The following TRIM51 variants were observed in gnomAD, a reference collection of about 807,000 sequenced individuals.
TRIM51 encodes tripartite motif-containing protein 51.
In TRIM51, 23 loss-of-function variants were observed where a neutral mutation model predicts 32.7. That is an observed-to-expected ratio of 0.70 (90% CI 0.51 to 1.00). TRIM51 has a LOEUF of 1.00. TRIM51 is among the 50% of genes least tolerant of loss of function. The probability of loss-of-function intolerance (pLI) is 0.00; values close to 1 mark genes in which losing one functional copy is unlikely to be tolerated. For missense variants in TRIM51, 592 were observed against 539.2 expected (o/e 1.10, Z -0.97); for synonymous variants, 177 against 181.9 (o/e 0.97, Z 0.22).
chr11:55,889,046 A>C (rs773893658), intron 5 of TRIM51, 45 bp downstream of exon 5: 3 of 1,539,650 alleles, frequency 1.9e-6, no homozygotes, highest in Non-Finnish European at 1.8e-6. Flanking sequence ...AGTTTCCACA[A>C]ATATCAAGCA....
At chr11:55,884,865 T>C (rs940650538) in intron 1 of TRIM51, among the ~76,000 whole-genome samples, 11 of 152,160 alleles carry the variant, frequency 7.2e-5, no homozygotes, top group African/African-American at 2.2e-4. Context: ...TTTCATTATT[T>C]ATTTTATCTC....
chr11:55,884,229 T>C (rs1854547645), intron 1 of TRIM51, among the ~76,000 whole-genome samples: 1 of 142,706 alleles, frequency 7.0e-6, no homozygotes. Context: ...GCCTATCGTA[T>C]ACCATACAGG....
Position 55,887,083 on chromosome 11 carries a change from G to A in TRIM51, c.507+865G>A, listed in dbSNP as rs562842661. 9.9e-5 allele frequency among the ~76,000 whole-genome samples: 15 copies of A among 152,118 alleles called. No individual in the cohort carries two copies. In the South Asian group the frequency reaches 1.5e-3, roughly 15 times the overall value. ...GTACATGATGTGTTAGAGTGTAGTA[G>A]TGTCTTTGGAGAATAATCAAGCAGG... On this transcript the variant is annotated intron_variant, in intron 3 of 6. Transcript: ENST00000449290.
intron 3 of TRIM51, among the ~76,000 whole-genome samples, chr11:55,886,809 A>T (rs1374540760): frequency 4.6e-5 from 7 of 152,198 alleles, no homozygotes; most frequent in Admixed American, 4.6e-4. Context: ...ATTTAATATA[A>T]GGAGAAGTCT....
intron 3 of TRIM51, 134 bp from the exon 4 acceptor site, chr11:55,887,898 A>G (rs1854597130): frequency 9.9e-6 from 7 of 709,054 alleles, no homozygotes; most frequent in Non-Finnish European, 1.5e-5. Flanking sequence ...AATAAAAGGG[A>G]TAAAATTTTG....
chr11:55,887,199 C>A (rs985291865), intron 3 of TRIM51, among the ~76,000 whole-genome samples: 37 of 151,942 alleles, frequency 2.4e-4, no homozygotes, highest in Non-Finnish European at 4.9e-4. Flanking sequence ...TGGAAAAATT[C>A]ACACTGAAAC....
chr11:55,887,451 AAAT>A (rs1270694570), intron 3 of TRIM51, among the ~76,000 whole-genome samples: 1 of 151,960 alleles, frequency 6.6e-6, no homozygotes, highest in East Asian at 1.9e-4. Flanking sequence ...ATATATATGA[AAAT>A]AATTCTAGGT....
At position 55,883,326 on chromosome 11, in the gene TRIM51, T is replaced by C. The variant is rs917504102; in HGVS notation, c.-63T>C. 1 of 152,042 alleles carries C rather than the reference T, an allele frequency of 6.6e-6. No homozygotes were observed. The highest frequency in any genetic ancestry group is 1.5e-5 in the Non-Finnish European group (1 of 67,994). 9.4% of individuals were successfully genotyped at this position (152,042 alleles called of 1,614,324 possible). A position where few individuals can be genotyped will look rare whatever the true frequency, so the allele number is the denominator to read the frequency against. On this transcript the variant is annotated 5_prime_UTR_variant, in exon 1 of 7. Coordinates refer to ENST00000449290, the MANE Select transcript of TRIM51 (RefSeq NM_032681.4). ...GGAATGAGCTCCTGATCTTGGGGAG[T>C]ACTTAAAAGAATTTTTTCTTGGAAG...
Position 55,888,261 on chromosome 11 carries a change from A to G in TRIM51, c.737A>G (p.Gln246Arg). The G allele has an allele frequency of 1.3e-5, 21 of 1,608,380 alleles. No homozygotes were observed. Among genetic ancestry groups the G allele is most frequent in the Non-Finnish European group, 1.8e-5 (21 of 1,175,580 alleles). The change falls in exon 4 of 7, where the codon CAG (glutamine) becomes CGG (arginine). Residue 246 changes from glutamine (Q) to arginine (R), a missense_variant and splice_region_variant. Gln to Arg is a conservative substitution (Grantham distance 43). Transcript: ENST00000449290. The stretch of plus-strand genomic sequence containing the variant: ...CATAAAGCAGATGTGGAGCTACTCC[A>G]GGTATGGACTGACCATGGGGTATCA... ...MCHKADVELL[Q>R]AFGDILHRYE...
Position 55,889,960 on chromosome 11 carries a change from G to A in TRIM51, c.780G>A (p.Leu260=). 1 of 1,613,228 alleles carries A rather than the reference G, an allele frequency of 6.2e-7. No individual in the cohort carries two copies. The highest frequency in any genetic ancestry group is 1.1e-5 in the South Asian group (1 of 91,046). ...CTTGCAGGTATGAGTCTCTGCTGCT[G>A]CAAGTGTCTGAGCCTGTGAATCCAG... The part of the protein sequence containing the change: ...DILHRYESLL[L]QVSEPVNPEL... Residue 260 remains leucine (L), a synonymous_variant, in exon 6 of 7, where the codon CTG becomes CTA. Coordinates refer to ENST00000449290, the MANE Select transcript of TRIM51 (RefSeq NM_032681.4).
At position 55,889,997 on chromosome 11, in the gene TRIM51, G is replaced by A. The variant is rs1289764674; in HGVS notation, c.817G>A (p.Gly273Arg). 2.5e-6 allele frequency: 4 copies of A among 1,613,328 alleles called. No homozygotes were observed. The highest frequency in any genetic ancestry group is 1.3e-5 in the African/African-American group (1 of 74,878). The change falls in exon 6 of 7, where the codon GGG (glycine) becomes AGG (arginine). Residue 273 changes from glycine (G) to arginine (R), a missense_variant. Coordinates refer to ENST00000449290, the MANE Select transcript of TRIM51 (RefSeq NM_032681.4). ...SEPVNPELSA[G>R]PITGLLDSLS... is the part of the protein sequence containing the mutation. ...GCCTGTGAATCCAGAGCTCAGTGCAGGGCCCATCACTGGACTGCTGGACAG... is the reference window on the plus strand; with the variant it reads ...GCCTGTGAATCCAGAGCTCAGTGCAAGGCCCATCACTGGACTGCTGGACAG...
chr11:55,888,441 A>G (rs1854605933), intron 4 of TRIM51, among the ~76,000 whole-genome samples, 179 bp downstream of exon 4: 1 of 152,196 alleles, frequency 6.6e-6, no homozygotes, highest in East Asian at 1.9e-4. Flanking sequence ...ACTAGACCGA[A>G]GGTCCCTCCT....
intron 3 of TRIM51, among the ~76,000 whole-genome samples, chr11:55,887,765 T>A (rs1854595016): frequency 6.6e-6 from 1 of 152,198 alleles, no homozygotes; most frequent in Non-Finnish European, 1.5e-5. Flanking sequence ...GTTTTCTTTC[T>A]ATAAATGTGG....
intron 4 of TRIM51, 104 bp from the exon 5 acceptor site, chr11:55,888,875 G>A (rs1854610978): frequency 1.9e-6 from 2 of 1,049,458 alleles, no homozygotes; most frequent in Non-Finnish European, 3.0e-6. Flanking sequence ...GAACATTGTA[G>A]GAAAATAGTA....
At chr11:55,886,063 C>G (rs190095784) in intron 2 of TRIM51, 60 bp from the exon 3 acceptor site, 14 of 1,542,380 alleles carry the variant, frequency 9.1e-6, no homozygotes, top group East Asian at 6.8e-5. Context: ...CTTCGTATAT[C>G]AGAGTGTGAA....
At position 55,891,211 on chromosome 11, in the gene TRIM51, G is replaced by A. The variant is rs1554988501; in HGVS notation, c.938G>A (p.Cys313Tyr). 1.3e-5 allele frequency: 21 copies of A among 1,604,378 alleles called. No individual in the cohort carries two copies. The South Asian group carries it at 1.9e-4, about 14-fold the overall frequency. ...CGDLRSMNVG[C>Y]DPQDDPDITG... is the part of the protein sequence containing the mutation. ...GATTTGAGAAGCATGAATGTTGGAT[G>A]TGACCCTCAAGATGATCCCGATATC... Residue 313 changes from cysteine (C) to tyrosine (Y), a missense_variant, in exon 7 of 7, where the codon TGT becomes TAT. Transcript: ENST00000449290.
chr11:55,883,922 C>T (rs1854540194), intron 1 of TRIM51, among the ~76,000 whole-genome samples: 1 of 151,852 alleles, frequency 6.6e-6, no homozygotes, highest in Non-Finnish European at 1.5e-5. Flanking sequence ...TACTAGCTGT[C>T]ATTTTAATTG....
chr11:55,884,182 T>TATATTATATATATATATATATATATAC (rs1458218535), intron 1 of TRIM51, among the ~76,000 whole-genome samples: 1 of 110,282 alleles, frequency 9.1e-6, no homozygotes, highest in African/African-American at 3.6e-5. Context: ...TATATATATA[T>TATATTATATATATATATATATATATAC]ACACATACCA....
chr11:55,886,270 G>T, intron 3 of TRIM51, 52 bp downstream of exon 3: 1 of 1,392,976 alleles, frequency 7.2e-7, no homozygotes, highest in South Asian at 1.2e-5. Flanking sequence ...GAACAAATGG[G>T]TGACTCTTAA....
Sources: gnomAD v4.1 joint callset for allele counts (sites outside exome capture counted in the v4.1 genomes callset) on GRCh38, gnomAD v4.1.1 for gene constraint, MANE v1.5 for transcripts, NCBI Gene and HGNC (gene_info 2026-07-23, HGNC 2026-07-21) for gene names.